The following TAF12 variants were observed in gnomAD, a reference collection of about 807,000 sequenced individuals.
TAF12 encodes TATA-box binding protein associated factor 12.
Under a neutral mutation model 20.8 loss-of-function variants are expected in TAF12, and 3 were observed. The ratio of observed to expected loss-of-function variants is 0.14; its 90% confidence interval spans 0.07 to 0.37. The LOEUF is 0.37. Among genes scored for constraint, TAF12 ranks in the 10% least tolerant of loss-of-function variants. The pLI, the probability that TAF12 is intolerant of heterozygous loss-of-function variation, is 1.00. For synonymous variants in TAF12, 69 were observed against 70.2 expected (o/e 0.98, Z 0.09); for missense variants, 131 against 197.9 (o/e 0.66, Z 2.03).
chr1:28,643,466 G>GGACCTC (rs1668107777), upstream of TAF12: 1 of 152,202 alleles, frequency 6.6e-6, no homozygotes, highest in East Asian at 1.9e-4. Context: ...GTATCCTGTT[G>GGACCTC]GACCTCAACG....
At chr1:28,619,301 G>A (rs568491393) in intron 2 of TAF12, among the ~76,000 whole-genome samples, 1 of 151,714 alleles carries the variant, frequency 6.6e-6, no homozygotes, top group Admixed American at 6.6e-5. Flanking sequence ...AGACCATCCT[G>A]GCTAACACGG....
chr1:28,648,212 G>T (rs977455545), exon 1 of TAF12: 3 of 985,236 alleles, frequency 3.0e-6, no homozygotes, highest in Non-Finnish European at 3.6e-6. Context: ...TACAGCCGCT[G>T]AGAGCCGGTA....
chr1:28,613,730 T>C (rs1215524623), intron 3 of TAF12, among the ~76,000 whole-genome samples: 1 of 152,226 alleles, frequency 6.6e-6, no homozygotes, highest in Non-Finnish European at 1.5e-5. Context: ...AATAATCCTG[T>C]GAAGAAAATG....
upstream of TAF12, chr1:28,646,250 C>T (rs985891604): frequency 6.6e-6 from 1 of 152,220 alleles, no homozygotes; most frequent in African/African-American, 2.4e-5. Flanking sequence ...GCATTCCAGC[C>T]TGGACAACAG....
At chr1:28,627,450 T>C (rs1347485748) in intron 1 of TAF12, among the ~76,000 whole-genome samples, 1 of 149,530 alleles carries the variant, frequency 6.7e-6, no homozygotes, top group East Asian at 2.0e-4. Context: ...TCCCAGCACT[T>C]TGGGAGGCTG....
At chr1:28,630,535 G>C (rs1433520187) in intron 1 of TAF12, among the ~76,000 whole-genome samples, 1 of 151,258 alleles carries the variant, frequency 6.6e-6, no homozygotes, top group East Asian at 1.9e-4. Context: ...CTAGGTGACA[G>C]AGTGAGACGC....
chr1:28,617,605 C>G (rs1173665622), intron 3 of TAF12, among the ~76,000 whole-genome samples: 1 of 151,912 alleles, frequency 6.6e-6, no homozygotes, highest in African/African-American at 2.4e-5. Context: ...CGCCACCATG[C>G]CCGGCTAATT....
chr1:28,633,964 TC>T (rs1667730781), intron 1 of TAF12, among the ~76,000 whole-genome samples: 1 of 148,478 alleles, frequency 6.7e-6, no homozygotes, highest in Non-Finnish European at 1.5e-5. Flanking sequence ...GTGCCTGTAA[TC>T]CCAGCTATTC....
chr1:28,619,497 CAA>C lies in TAF12; in HGVS notation c.169-1469_169-1468del, dbSNP rs537913364. 7.1e-3 allele frequency among the ~76,000 whole-genome samples: 560 copies of C among 79,160 alleles called. 5 individuals carry two copies. Among genetic ancestry groups the C allele is most frequent in the African/African-American group, 0.022 (531 of 24,688 alleles). 51.9% of individuals were successfully genotyped at this position (79,160 alleles called of 152,430 possible). ...TGGGCAACAGAGTGAGACTCCATCTCAAAAAAAAAAAAAAATCTAAAAAATAT... is the reference window on the plus strand; with the variant it reads ...TGGGCAACAGAGTGAGACTCCATCTCAAAAAAAAAAAAATCTAAAAAATAT... On this transcript the variant is annotated intron_variant, in intron 2 of 5. Transcript: ENST00000373824.
At chr1:28,622,296 C>A in intron 1 of TAF12, 131 bp from the exon 2 acceptor site, 2 of 810,406 alleles carry the variant, frequency 2.5e-6, no homozygotes, top group Non-Finnish European at 1.6e-6. Flanking sequence ...CAGGTGGTAG[C>A]ATCACTTGAG....
chr1:28,617,296 G>C (rs1306416915), intron 3 of TAF12, among the ~76,000 whole-genome samples: 1 of 152,024 alleles, frequency 6.6e-6, no homozygotes, highest in African/African-American at 2.4e-5. Flanking sequence ...TGGGTATAAA[G>C]CAAATTCAGA....
chr1:28,613,250 A>C lies in TAF12; in HGVS notation c.358T>G (p.Leu120Val), dbSNP rs1490803647. ...TLEVKDVQLH[L>V]ERQWNMWIPG... ...AGGGAGAAACAAGACCACATACCTA[A>C]ATGCAGCTGGACATCTTTCACCTCC... The change falls in exon 4 of 6, where the codon TTA becomes GTA. Residue 120 changes from leucine (L) to valine (V), a missense_variant. By Grantham distance (32) the Leu-to-Val change is conservative. This residue lies in a region of TAF12 where 60 missense variants were observed against 90.2 expected (regional missense o/e 0.66). Coordinates refer to ENST00000373824, the MANE Select transcript of TAF12 (RefSeq NM_005644.4). 1.2e-6 allele frequency: 2 copies of C among 1,607,602 alleles called. No homozygotes were observed. Among genetic ancestry groups the C allele is most frequent in the Non-Finnish European group, 1.7e-6 (2 of 1,177,120 alleles).
intron 1 of TAF12, among the ~76,000 whole-genome samples, chr1:28,634,245 C>G (rs1288151421): frequency 6.7e-6 from 1 of 149,900 alleles, no homozygotes; most frequent in African/African-American, 2.5e-5. Context: ...GAAACTCCGT[C>G]TCTACTAAAA....
At chr1:28,623,892 C>T (rs749886321) in intron 1 of TAF12, 8 of 916,870 alleles carry the variant, frequency 8.7e-6, no homozygotes, top group East Asian at 1.2e-4. Context: ...GGTGTCATCA[C>T]GATCAGAAGC....
intron 4 of TAF12, among the ~76,000 whole-genome samples, chr1:28,608,729 T>G (rs1365209268): frequency 6.6e-6 from 1 of 151,486 alleles, no homozygotes; most frequent in Admixed American, 6.6e-5. Flanking sequence ...CACTCCAGTC[T>G]GGGCGACAGA....
intron 3 of TAF12, among the ~76,000 whole-genome samples, chr1:28,615,895 C>T (rs1226703415): frequency 6.6e-6 from 1 of 151,990 alleles, no homozygotes; most frequent in Non-Finnish European, 1.5e-5. Flanking sequence ...GAGACCAGCT[C>T]ATAAAAGCCA....
At chr1:28,647,470 T>C (rs149344758), upstream of TAF12, among the ~76,000 whole-genome samples, 429 of 151,922 alleles carry the variant, frequency 2.8e-3, 2 homozygotes, top group African/African-American at 0.01. Flanking sequence ...TATTTTGGGG[T>C]AGGGACGAGG....
intron 1 of TAF12, among the ~76,000 whole-genome samples, chr1:28,628,024 T>G (rs976734493): frequency 2.6e-5 from 4 of 151,934 alleles, no homozygotes; most frequent in African/African-American, 9.7e-5. Flanking sequence ...GCATTCAAGA[T>G]CTGTGAATTT....
chr1:28,635,367 G>A (rs1371096299), intron 1 of TAF12, among the ~76,000 whole-genome samples: 11 of 128,986 alleles, frequency 8.5e-5, no homozygotes, highest in African/African-American at 2.1e-4. Context: ...GTGCAGTGGC[G>A]CAATCTTGGC....
Sources: gnomAD v4.1 joint callset for allele counts (sites outside exome capture counted in the v4.1 genomes callset) on GRCh38, gnomAD v4.1.1 for gene constraint, gnomAD v4.1.1 regional missense constraint, MANE v1.5 for transcripts, NCBI Gene and HGNC (gene_info 2026-07-23, HGNC 2026-07-21) for gene names.